The following SUPT3H variants were observed in gnomAD, a reference collection of about 807,000 sequenced individuals.
SUPT3H encodes transcription initiation protein SPT3 homolog.
Under a neutral mutation model 44.3 loss-of-function variants are expected in SUPT3H, and 44 were observed. That is an observed-to-expected ratio of 0.99 (90% CI 0.78 to 1.28). The LOEUF is 1.28. SUPT3H is among the 50% of genes most tolerant of loss of function. SUPT3H has a pLI of 0.00. For missense variants in SUPT3H, 380 were observed against 387.1 expected (o/e 0.98, Z 0.15); for synonymous variants, 124 against 125.6 (o/e 0.99, Z 0.09).
chr6:45,355,068 G>T (rs1792879542), intron 2 of SUPT3H, among the ~76,000 whole-genome samples: 1 of 151,782 alleles, frequency 6.6e-6, no homozygotes, highest in South Asian at 2.1e-4. Context: ...TCAACCACTT[G>T]GGCTTAAGCA....
chr6:45,012,146 T>C (rs1284586587), intron 5 of SUPT3H, among the ~76,000 whole-genome samples: 1 of 150,600 alleles, frequency 6.6e-6, no homozygotes, highest in Non-Finnish European at 1.5e-5. Context: ...TGTAGATTTC[T>C]TTATGTTTAT....
chr6:44,853,360 G>A (rs1390660297), intron 10 of SUPT3H, among the ~76,000 whole-genome samples: 1 of 152,072 alleles, frequency 6.6e-6, no homozygotes, highest in Admixed American at 6.6e-5. Flanking sequence ...TAGGAAACAT[G>A]CATTCAATAA....
intron 10 of SUPT3H, among the ~76,000 whole-genome samples, chr6:44,900,000 G>C (rs886893768): frequency 3.3e-5 from 5 of 152,270 alleles, no homozygotes; most frequent in African/African-American, 1.2e-4. Context: ...AAACCAAAAG[G>C]CACTAGTTAT....
intron 2 of SUPT3H, among the ~76,000 whole-genome samples, chr6:45,263,495 G>A (rs927124134): frequency 4.6e-5 from 7 of 152,076 alleles, no homozygotes; most frequent in African/African-American, 1.4e-4. Context: ...GTGGGTGAGG[G>A]AGTTGGGTAT....
chr6:45,335,769 A>C (rs1476462628), intron 2 of SUPT3H, among the ~76,000 whole-genome samples: 1 of 151,292 alleles, frequency 6.6e-6, no homozygotes, highest in Non-Finnish European at 1.5e-5. Context: ...CATCAAGACA[A>C]CAGCATCTTA....
At chr6:45,333,821 T>C (rs1468402261) in intron 2 of SUPT3H, among the ~76,000 whole-genome samples, 1 of 151,200 alleles carries the variant, frequency 6.6e-6, no homozygotes, top group African/African-American at 2.4e-5. Context: ...TACTCATAAA[T>C]CCAATATACA....
At chr6:45,178,147 C>G (rs1031017345) in intron 2 of SUPT3H, among the ~76,000 whole-genome samples, 4 of 151,862 alleles carry the variant, frequency 2.6e-5, no homozygotes, top group Non-Finnish European at 2.9e-5. Context: ...GAGTCAAGAC[C>G]CATCAGTGTG....
At chr6:45,254,312 T>G (rs1213297557) in intron 2 of SUPT3H, among the ~76,000 whole-genome samples, 1 of 152,168 alleles carries the variant, frequency 6.6e-6, no homozygotes, top group East Asian at 1.9e-4. Context: ...GCACACAATT[T>G]AAAAGCCATT....
chr6:44,911,491 T>C (rs948344640), intron 10 of SUPT3H, among the ~76,000 whole-genome samples: 1 of 152,250 alleles, frequency 6.6e-6, no homozygotes, highest in East Asian at 1.9e-4. Context: ...AATTCTGGCA[T>C]GTATACCTTT....
chr6:45,353,255 T>C (rs1792444468), intron 2 of SUPT3H, among the ~76,000 whole-genome samples: 1 of 152,004 alleles, frequency 6.6e-6, no homozygotes, highest in Non-Finnish European at 1.5e-5. Context: ...TACTTAAAAT[T>C]TGCACTTAGA....
intron 2 of SUPT3H, among the ~76,000 whole-genome samples, chr6:45,211,546 A>G (rs1042490322): frequency 1.3e-5 from 2 of 152,086 alleles, no homozygotes; most frequent in Non-Finnish European, 2.9e-5. Context: ...CATGGTCTCT[A>G]GGCCAATTAA....
intron 10 of SUPT3H, among the ~76,000 whole-genome samples, chr6:44,840,637 A>G (rs565147233): frequency 6.6e-5 from 10 of 152,316 alleles, no homozygotes; most frequent in African/African-American, 2.2e-4. Flanking sequence ...AGTGGAAGCT[A>G]ATACAGAACA....
chr6:45,191,174 C>T (rs1211450466), intron 2 of SUPT3H, among the ~76,000 whole-genome samples: 1 of 151,992 alleles, frequency 6.6e-6, no homozygotes, highest in Non-Finnish European at 1.5e-5. Context: ...CCAAGATGTC[C>T]TTCAATAGGC....
At chr6:45,039,666 G>T (rs1219283004) in intron 3 of SUPT3H, among the ~76,000 whole-genome samples, 2 of 151,992 alleles carry the variant, frequency 1.3e-5, no homozygotes, top group African/African-American at 4.8e-5. Flanking sequence ...TGTATTCCCA[G>T]CTACTTGGGA....
chr6:44,924,439 TAATACCTCTTGG>T (rs1278053398), intron 10 of SUPT3H, among the ~76,000 whole-genome samples: 1 of 152,146 alleles, frequency 6.6e-6, no homozygotes, highest in African/African-American at 2.4e-5. Flanking sequence ...AATACAGACT[TAATACCTCTTGG>T]AATACTTGTC....
chr6:45,263,257 G>A (rs918235359), intron 2 of SUPT3H, among the ~76,000 whole-genome samples: 1 of 152,122 alleles, frequency 6.6e-6, no homozygotes, highest in African/African-American at 2.4e-5. Flanking sequence ...GAGTGGCCTG[G>A]ATAAAGAAAA....
At chr6:44,926,994 G>A (rs1769613848) in intron 10 of SUPT3H, among the ~76,000 whole-genome samples, 1 of 151,960 alleles carries the variant, frequency 6.6e-6, no homozygotes, top group Non-Finnish European at 1.5e-5. Context: ...TTTGATCCAG[G>A]AATTTCACTT....
intron 1 of SUPT3H, among the ~76,000 whole-genome samples, chr6:45,371,427 G>A (rs1362270383): frequency 7.0e-5 from 10 of 142,056 alleles, no homozygotes. Flanking sequence ...TACCCTACAA[G>A]ACAAGTATTC....
chr6:45,118,612 T>A (rs1186790702), intron 2 of SUPT3H, among the ~76,000 whole-genome samples: 1 of 152,120 alleles, frequency 6.6e-6, no homozygotes, highest in Non-Finnish European at 1.5e-5. Context: ...CTTTTGTACA[T>A]GATATTTTCT....
Sources: allele counts gnomAD v4.1 joint callset (sites outside exome capture counted in the v4.1 genomes callset), GRCh38; gene constraint gnomAD v4.1.1; transcripts MANE v1.5; gene names NCBI Gene and HGNC (gene_info 2026-07-23, HGNC 2026-07-21).